The following GRAMD1B variants were observed in gnomAD, a reference collection of about 807,000 sequenced individuals.
GRAMD1B encodes the protein protein Aster-B.
Under a neutral mutation model 99.7 loss-of-function variants are expected in GRAMD1B, and 37 were observed. The ratio of observed to expected loss-of-function variants is 0.37; its 90% CI spans 0.29 to 0.49. The LOEUF (loss-of-function observed/expected upper bound fraction) is 0.49. Among genes scored for constraint, GRAMD1B ranks in the 20% least tolerant of loss-of-function variants. The pLI is 0.98. For missense variants in GRAMD1B, 888 were observed against 1,009.2 expected, an observed-to-expected ratio of 0.88 and a Z score of 1.63; for synonymous variants, 427 against 387.6, an observed-to-expected ratio of 1.10 and a Z score of -1.19.
chr11:123,597,256 CTTTTTT>C (rs71060518), intron 7 of GRAMD1B, among the ~76,000 whole-genome samples: 6 of 76,568 alleles, frequency 7.8e-5, no homozygotes, highest in East Asian at 4.0e-4. Context: ...GCCACTATGC[CTTTTTT>C]TTTTTTTTTT....
chr11:123,508,116 A>G (rs2135256708), intron 2 of GRAMD1B, among the ~76,000 whole-genome samples: 1 of 152,322 alleles, frequency 6.6e-6, no homozygotes, highest in Non-Finnish European at 1.5e-5. Context: ...TTCTGCGGCT[A>G]TAACAGAACA....
chr11:123,606,863 T>A, intron 11 of GRAMD1B, 65 bp downstream of exon 11: 2 of 1,227,674 alleles, frequency 1.6e-6, no homozygotes, highest in Non-Finnish European at 2.4e-6. Flanking sequence ...AGGAGATCTC[T>A]ATGTGGGGAC....
intron 2 of GRAMD1B, among the ~76,000 whole-genome samples, chr11:123,505,239 C>T (rs1183386137): frequency 6.6e-6 from 1 of 151,238 alleles, no homozygotes; most frequent in Non-Finnish European, 1.5e-5. Context: ...ACTCTGTTTT[C>T]CGGGCTGGTC....
At chr11:123,544,592 T>G (rs1441949682) in intron 2 of GRAMD1B, among the ~76,000 whole-genome samples, 1 of 152,160 alleles carries the variant, frequency 6.6e-6, no homozygotes, top group Non-Finnish European at 1.5e-5. Context: ...TTGCTAACTC[T>G]CCCTGGGAGG....
intron 2 of GRAMD1B, among the ~76,000 whole-genome samples, chr11:123,566,598 C>T (rs529152761): frequency 6.6e-6 from 1 of 152,262 alleles, no homozygotes; most frequent in African/African-American, 2.4e-5. Context: ...AACCCCGTCT[C>T]TACTAAAAAT....
At chr11:123,521,057 G>A (rs182362108) in intron 2 of GRAMD1B, among the ~76,000 whole-genome samples, 187 of 152,144 alleles carry the variant, frequency 1.2e-3, no homozygotes, top group Middle Eastern at 3.4e-3. Flanking sequence ...AAAGTCTTTC[G>A]TGCATGCCTC....
chr11:123,544,309 C>G (rs1591916213), intron 2 of GRAMD1B, among the ~76,000 whole-genome samples: 1 of 152,182 alleles, frequency 6.6e-6, no homozygotes, highest in East Asian at 1.9e-4. Context: ...TACCCAAGGT[C>G]AAGTACCAGG....
At chr11:123,393,330 A>G (rs966265451) in intron 1 of GRAMD1B, among the ~76,000 whole-genome samples, 10 of 152,216 alleles carry the variant, frequency 6.6e-5, no homozygotes, top group Admixed American at 2.0e-4. Flanking sequence ...GTTTCCACAT[A>G]ACAAATTACC....
chr11:123,417,186 A>G (rs549480046), intron 1 of GRAMD1B, among the ~76,000 whole-genome samples: 10 of 152,186 alleles, frequency 6.6e-5, no homozygotes, highest in Non-Finnish European at 1.3e-4. Flanking sequence ...CATTCTGGCC[A>G]ACATGGTGAA....
At chr11:123,427,702 C>T (rs943294823), upstream of GRAMD1B, among the ~76,000 whole-genome samples, 2 of 152,172 alleles carry the variant, frequency 1.3e-5, no homozygotes, top group Non-Finnish European at 2.9e-5. Flanking sequence ...GAAGGGACTG[C>T]AGGTGCAAGT....
At position 123,594,076 on chromosome 11, in the gene GRAMD1B, A is replaced by G; in HGVS notation, c.685-6A>G. On this transcript the variant is annotated splice_polypyrimidine_tract_variant and splice_region_variant and intron_variant, in intron 4 of 19. Coordinates refer to ENST00000635736, the MANE Select transcript of GRAMD1B (RefSeq NM_001387025.1). ...CATCCTACTAACCTTGGCTATTGTC[A>G]CGCAGGTGTTAAGCCCCACCTACAA... 2 of 1,600,188 alleles carry G rather than the reference A, an allele frequency of 1.2e-6. No individual in the cohort carries two copies. Among genetic ancestry groups the G allele is most frequent in the Non-Finnish European group, 1.7e-6 (2 of 1,167,286 alleles).
chr11:123,380,289 T>C (rs1376063399), intron 1 of GRAMD1B, among the ~76,000 whole-genome samples: 1 of 152,180 alleles, frequency 6.6e-6, no homozygotes, highest in Non-Finnish European at 1.5e-5. Flanking sequence ...TTCTGAGAGT[T>C]TTATAGTTTT....
In GRAMD1B at chr11:123,610,498, T is replaced by C. The variant is rs111848367; in HGVS notation, c.1919+160T>C. Among the ~76,000 whole-genome samples the C allele has an allele frequency of 1.4e-4, 22 of 152,344 alleles. No homozygotes were observed. Among genetic ancestry groups the C allele is most frequent in the African/African-American group, 4.3e-4 (18 of 41,578 alleles). On this transcript the variant is annotated intron_variant, in intron 14 of 19. Transcript: ENST00000635736. This position sits in a 1 kb window ranked among gnomAD's most constrained non-coding sequence, Gnocchi z 4.1. ...GCCTTATGAGGCTCACCCACCACTC[T>C]GTTTGAGTTAATTATTCTCTCCACT...
In GRAMD1B at chr11:123,369,145, C is replaced by CA. The variant is rs1280762312; in HGVS notation, c.-176+10351dup. On this transcript the variant is annotated intron_variant, in intron 1 of 20. Coordinates refer to the GRAMD1B transcript ENST00000638157. The stretch of plus-strand genomic sequence containing the variant: ...CCCCATATCTACAAAAATAGAAATG[C>CA]AAAAAGTTAGCCAGGCATGGTGGCA... Among the ~76,000 whole-genome samples, 4 of 151,892 alleles carry CA rather than the reference C, an allele frequency of 2.6e-5. No individual in the cohort carries two copies. The East Asian group carries it at 7.8e-4, about 29-fold the overall frequency.
intron 2 of GRAMD1B, among the ~76,000 whole-genome samples, chr11:123,529,953 G>A (rs1175782192): frequency 6.6e-6 from 1 of 152,082 alleles, no homozygotes; most frequent in Non-Finnish European, 1.5e-5. Flanking sequence ...AGACCTTCAG[G>A]AAAGTCAGTG....
chr11:123,599,109 T>A, intron 7 of GRAMD1B: 1 of 863,776 alleles, frequency 1.2e-6, no homozygotes, highest in South Asian at 1.3e-5. Flanking sequence ...CTCTCGAGCC[T>A]TCAGGAGCTC....
At chr11:123,415,163 C>T (rs1183117127) in intron 1 of GRAMD1B, among the ~76,000 whole-genome samples, 13 of 122,080 alleles carry the variant, frequency 1.1e-4, no homozygotes, top group African/African-American at 4.2e-4. Flanking sequence ...AGTGCAGTGG[C>T]GCGATCTTGG....
At position 123,437,424 on chromosome 11, in the gene GRAMD1B, C is replaced by T. The variant is rs571674007; in HGVS notation, c.374+6258C>T. 5.9e-5 allele frequency among the ~76,000 whole-genome samples: 9 copies of T among 152,262 alleles called. No individual in the cohort carries two copies. In the South Asian group the frequency reaches 1.2e-3, roughly 21 times the overall value. On this transcript the variant is annotated intron_variant, in intron 1 of 19. Transcript: ENST00000635736. Reference sequence around the variant, plus strand: ...CTCTGGAGGGGGAAGGGAAAGCTGACGACGGGTGAGTGAGTTGGGTGGTGG... The same window carrying T: ...CTCTGGAGGGGGAAGGGAAAGCTGATGACGGGTGAGTGAGTTGGGTGGTGG...
chr11:123,434,835 A>G (rs1222578296), intron 1 of GRAMD1B, among the ~76,000 whole-genome samples: 1 of 152,198 alleles, frequency 6.6e-6, no homozygotes, highest in Non-Finnish European at 1.5e-5. Flanking sequence ...TGCAGGGAAC[A>G]TTGGACTTAA....
Sources: gnomAD v4.1 joint callset for allele counts (sites outside exome capture counted in the v4.1 genomes callset) on GRCh38, gnomAD v4.1.1 for gene constraint, Gnocchi (gnomAD v3.1) non-coding constraint, MANE v1.5 for transcripts, NCBI Gene and HGNC (gene_info 2026-07-23, HGNC 2026-07-21) for gene names.